The following PTPN9 variants were observed in gnomAD, a reference collection of about 807,000 sequenced individuals.
PTPN9 encodes the protein tyrosine-protein phosphatase non-receptor type 9.
PTPN9 carries 26 observed loss-of-function variants against 69.8 expected under a neutral mutation model. The observed-to-expected ratio is 0.37, with a 90% CI of 0.27 to 0.52. The LOEUF (loss-of-function observed/expected upper bound fraction) is 0.52. PTPN9 is among the 20% of genes least tolerant of loss of function. PTPN9 has a pLI of 0.91. For missense variants in PTPN9, 549 were observed against 740.3 expected, an observed-to-expected ratio of 0.74 and a Z score of 3.00; for synonymous variants, 274 against 272.5, an observed-to-expected ratio of 1.01 and a Z score of -0.05.
chr15:75,575,268 C>T lies in PTPN9; in HGVS notation c.63+3446G>A, dbSNP rs1412913303. On this transcript the variant is annotated intron_variant, in intron 1 of 12. Coordinates refer to ENST00000618819, the MANE Select transcript of PTPN9 (RefSeq NM_002833.4). Reference sequence around the variant, plus strand: ...GATTACAGGCGTGAGCCACCGCGCCCGGCCGAAAAGAAATATCTTTAAGGC... The same window carrying T: ...GATTACAGGCGTGAGCCACCGCGCCTGGCCGAAAAGAAATATCTTTAAGGC... Among the ~76,000 whole-genome samples the T allele has an allele frequency of 1.8e-4, 5 of 27,062 alleles. 2 individuals are homozygous for T. Among genetic ancestry groups the T allele is most frequent in the Middle Eastern group, 0.038 (2 of 52 alleles). The allele number at this position is 27,062 out of a possible 152,430, so 17.8% of individuals were successfully genotyped here.
chr15:75,526,429 C>T (rs891678733), intron 2 of PTPN9, among the ~76,000 whole-genome samples: 1 of 152,052 alleles, frequency 6.6e-6, no homozygotes, highest in African/African-American at 2.4e-5. Context: ...TAAGCTAATC[C>T]TAGTGCTTGT....
In PTPN9 at chr15:75,488,588, G is replaced by T. The variant is rs1473662879; in HGVS notation, c.1062+1620C>A. Among the ~76,000 whole-genome samples, 4 of 151,672 alleles carry T rather than the reference G, an allele frequency of 2.6e-5. No individual in the cohort carries two copies. The South Asian group carries it at 8.3e-4, about 32-fold the overall frequency. The stretch of plus-strand genomic sequence containing the variant: ...AGGTGAGAGGATTGCTTGAGCCCAG[G>T]AAGAACTTAGGCAACACAGCGAGAC... On this transcript the variant is annotated intron_variant, in intron 8 of 12. Transcript: ENST00000618819.
At chr15:75,485,916 A>G (rs1376153945) in intron 8 of PTPN9, among the ~76,000 whole-genome samples, 1 of 150,760 alleles carries the variant, frequency 6.6e-6, no homozygotes, top group African/African-American at 2.4e-5. Flanking sequence ...CTGGCTAACA[A>G]GGTGAAACCC....
At position 75,505,956 on chromosome 15, in the gene PTPN9, C is replaced by G; in HGVS notation, c.687G>C (p.Glu229Asp). The change falls in exon 7 of 13, where the codon GAG becomes GAC. Residue 229 changes from glutamate to aspartate, a missense_variant. By Grantham distance (45) the Glu-to-Asp change is conservative. This residue lies in a region of PTPN9 where 457 missense variants were observed against 661.9 expected (regional missense o/e 0.69). Coordinates refer to ENST00000618819, the MANE Select transcript of PTPN9 (RefSeq NM_002833.4). ...ACCCACCCAGGTTTTCTGGAAGACA[C>G]TCCCTGGGCAGATGCTGCGTGACCT... ...TSEVTQHLPR[E>D]CLPENLGGYV... 6.2e-7 allele frequency: 1 copy of G among 1,614,082 alleles called. No homozygotes were observed. The highest frequency in any genetic ancestry group is 8.5e-7 in the Non-Finnish European group (1 of 1,179,972).
chr15:75,485,910 C>T (rs945905471), intron 8 of PTPN9, among the ~76,000 whole-genome samples: 4 of 150,946 alleles, frequency 2.6e-5, no homozygotes, highest in Non-Finnish European at 5.9e-5. Flanking sequence ...ACCATCCTGG[C>T]TAACAAGGTG....
At chr15:75,509,433 A>G (rs1030456098) in intron 5 of PTPN9, among the ~76,000 whole-genome samples, 1 of 152,246 alleles carries the variant, frequency 6.6e-6, no homozygotes, top group Non-Finnish European at 1.5e-5. Context: ...TCATGCCTAT[A>G]ATCCCAGCAT....
At chr15:75,535,532 GT>G (rs1256695340) in intron 1 of PTPN9, among the ~76,000 whole-genome samples, 5 of 152,150 alleles carry the variant, frequency 3.3e-5, no homozygotes, top group African/African-American at 1.2e-4. Context: ...GATTACAGGT[GT>G]TGTGCAGAAC....
rs534284173 is a variant in PTPN9, at chr15:75,480,629, G to A, written c.1063-715C>T. On this transcript the variant is annotated intron_variant, in intron 8 of 12. Coordinates refer to ENST00000618819, the MANE Select transcript of PTPN9 (RefSeq NM_002833.4). ...GGCAGTGCGGAGCCGGGACAGTCGC[G>A]GCGCTGACGCCCGCGGGCCCCAGCT... 57 of 1,186,574 alleles carry A rather than the reference G, an allele frequency of 4.8e-5. No individual in the cohort carries two copies. In the African/African-American group the frequency reaches 7.3e-4, roughly 15 times the overall value. The allele number at this position is 1,186,574 out of a possible 1,614,324, so 73.5% of individuals were successfully genotyped here. A position where few individuals can be genotyped will look rare whatever the true frequency, so the allele number is the denominator to read the frequency against.
intron 1 of PTPN9, among the ~76,000 whole-genome samples, chr15:75,558,927 T>C (rs1212311416): frequency 6.6e-6 from 1 of 152,140 alleles, no homozygotes; most frequent in African/African-American, 2.4e-5. Flanking sequence ...AGTGCCGAGA[T>C]TGCAGCCTCT....
At chr15:75,503,759 G>A in intron 7 of PTPN9, among the ~76,000 whole-genome samples, 2 of 78,598 alleles carry the variant, frequency 2.5e-5, no homozygotes, top group Non-Finnish European at 4.8e-5. Context: ...CGCCCCATCC[G>A]GGAGGGAGGT....
At chr15:75,540,959 G>C (rs1237032155) in intron 1 of PTPN9, among the ~76,000 whole-genome samples, 1 of 151,612 alleles carries the variant, frequency 6.6e-6, no homozygotes, top group Admixed American at 6.6e-5. Flanking sequence ...CACACCTGTA[G>C]TCCCAGGTAC....
chr15:75,554,414 A>C (rs1032443910), intron 1 of PTPN9, among the ~76,000 whole-genome samples: 1 of 151,884 alleles, frequency 6.6e-6, no homozygotes, highest in Non-Finnish European at 1.5e-5. Context: ...GGCTGGTCTC[A>C]AACTCCCGAC....
At chr15:75,488,736 G>A (rs757184068) in intron 8 of PTPN9, among the ~76,000 whole-genome samples, 7 of 152,214 alleles carry the variant, frequency 4.6e-5, no homozygotes, top group Non-Finnish European at 8.8e-5. Flanking sequence ...CAAGGGTGCA[G>A]TGAGCTACGA....
Position 75,463,814 on chromosome 15 carries a change from A to G in PTPN9, c.*4955T>C, listed in dbSNP as rs2074526182. On this transcript the variant is annotated 3_prime_UTR_variant, in exon 13 of 13. Coordinates refer to ENST00000618819, the MANE Select transcript of PTPN9 (RefSeq NM_002833.4). ...TTGTGTAAAGGTAACTATAGGGCGGATACCTCCTAAGAGAAAAAGATGGTT... is the reference window on the plus strand; with the variant it reads ...TTGTGTAAAGGTAACTATAGGGCGGGTACCTCCTAAGAGAAAAAGATGGTT... 1 of 152,250 alleles carries G rather than the reference A, an allele frequency of 6.6e-6. No homozygotes were observed. The highest frequency in any genetic ancestry group is 2.4e-5 in the African/African-American group (1 of 41,466). The allele number at this position is 152,250 out of a possible 1,614,324, so 9.4% of individuals were successfully genotyped here. A position where few individuals can be genotyped will look rare whatever the true frequency, so the allele number is the denominator to read the frequency against.
chr15:75,528,259 A>G (rs2074939877), intron 1 of PTPN9, among the ~76,000 whole-genome samples: 2 of 152,018 alleles, frequency 1.3e-5, no homozygotes, highest in Non-Finnish European at 2.9e-5. Context: ...AACTGTTTCT[A>G]TCTCTCAACT....
chr15:75,510,818 A>G (rs2074842155), intron 5 of PTPN9, among the ~76,000 whole-genome samples: 1 of 152,066 alleles, frequency 6.6e-6, no homozygotes, highest in African/African-American at 2.4e-5. Context: ...CATTTTCAGA[A>G]CTATTTCATC....
At chr15:75,494,973 G>A (rs2141302248) in intron 7 of PTPN9, among the ~76,000 whole-genome samples, 1 of 152,180 alleles carries the variant, frequency 6.6e-6, no homozygotes, top group South Asian at 2.1e-4. Context: ...GCGGTGAGCT[G>A]AGATTGTGCC....
At chr15:75,557,769 G>T (rs2075083884) in intron 1 of PTPN9, among the ~76,000 whole-genome samples, 1 of 152,282 alleles carries the variant, frequency 6.6e-6, no homozygotes, top group South Asian at 2.1e-4. Context: ...ATGACAACAT[G>T]AGAGGTTCTG....
chr15:75,536,295 C>G (rs1358367161), intron 1 of PTPN9, among the ~76,000 whole-genome samples: 1 of 152,128 alleles, frequency 6.6e-6, no homozygotes, highest in Non-Finnish European at 1.5e-5. Flanking sequence ...GCTTCTTGGC[C>G]TTTCGCTAAG....
Sources: gnomAD v4.1 joint callset for allele counts (sites outside exome capture counted in the v4.1 genomes callset) on GRCh38, gnomAD v4.1.1 for gene constraint, gnomAD v4.1.1 regional missense constraint, MANE v1.5 for transcripts, NCBI Gene and HGNC (gene_info 2026-07-23, HGNC 2026-07-21) for gene names.